The following WDFY3 variants were observed in gnomAD, a reference collection of about 807,000 sequenced individuals.
The protein encoded by WDFY3 is WD repeat and FYVE domain containing 3.
A neutral mutation model predicts 409.6 loss-of-function variants in WDFY3; 66 were observed. The observed-to-expected ratio is 0.16, with a 90% confidence interval of 0.13 to 0.20. The LOEUF is 0.20. Among genes scored for constraint, WDFY3 ranks in the 10% least tolerant of loss-of-function variants. The pLI is 1.00. For missense variants in WDFY3, 3,031 were observed against 4,298.1 expected (o/e 0.71, Z 8.24); for synonymous variants, 1,521 against 1,537.1 (o/e 0.99, Z 0.25).
chr4:84,936,524 T>TA (rs1355406325), intron 1 of WDFY3, among the ~76,000 whole-genome samples: 2 of 151,838 alleles, frequency 1.3e-5, no homozygotes, highest in Admixed American at 6.6e-5. Flanking sequence ...CTGTCTCTTT[T>TA]AAAAAAAATT....
intron 10 of WDFY3, among the ~76,000 whole-genome samples, chr4:84,824,833 C>A (rs1754617116): frequency 6.6e-6 from 1 of 152,046 alleles, no homozygotes. Flanking sequence ...ATGATCCTTG[C>A]AATAATGCTA....
rs774863056 is a variant in WDFY3, at chr4:84,751,488, A to G, written c.5968T>C (p.Leu1990=). ...ATGCGTTTCTTTTTCTTTACCTCCA[A>G]CAAAAGATCAATTAGTGGAGTTTGC... The part of the protein sequence containing the change: ...SKQTPLIDLL[L]EASPERSTRT... The change falls in exon 36 of 68, where the codon TTG becomes CTG. Residue 1990 remains leucine, a synonymous_variant. Coordinates refer to ENST00000295888, the MANE Select transcript of WDFY3 (RefSeq NM_014991.6). 7 of 1,613,980 alleles carry G rather than the reference A, an allele frequency of 4.3e-6. No homozygotes were observed. Among genetic ancestry groups the G allele is most frequent in the Non-Finnish European group, 5.9e-6 (7 of 1,179,926 alleles).
intron 2 of WDFY3, among the ~76,000 whole-genome samples, chr4:84,913,754 CA>C (rs879931090): frequency 3.4e-3 from 446 of 130,356 alleles, no homozygotes; most frequent in Non-Finnish European, 3.3e-3. Context: ...AGAAATAAAG[CA>C]AAAAAAAAAA....
At chr4:84,766,411 T>C in intron 30 of WDFY3, 39 bp from the exon 31 acceptor site, 1 of 1,536,026 alleles carries the variant, frequency 6.5e-7, no homozygotes, top group Non-Finnish European at 8.7e-7. Context: ...CCCTAGTAGA[T>C]AAGCTAAAAG....
intron 13 of WDFY3, among the ~76,000 whole-genome samples, chr4:84,811,721 A>AT (rs140627504): frequency 1.4e-3 from 212 of 151,632 alleles, no homozygotes; most frequent in Non-Finnish European, 2.4e-3. Flanking sequence ...TGAAAAAGTC[A>AT]TTTTTTTTTA....
intron 27 of WDFY3, among the ~76,000 whole-genome samples, chr4:84,777,409 G>A (rs1304434072): frequency 6.6e-6 from 1 of 151,774 alleles, no homozygotes; most frequent in African/African-American, 2.4e-5. Context: ...GAAAATAATA[G>A]AAAAAAATAG....
At chr4:84,809,702 T>TAAAAA in intron 14 of WDFY3, 185 bp downstream of exon 14, 1 of 410,256 alleles carries the variant, frequency 2.4e-6, no homozygotes, top group Non-Finnish European at 4.1e-6. Flanking sequence ...GCTTCCATGC[T>TAAAAA]AAAAAAAAAA....
intron 1 of WDFY3, among the ~76,000 whole-genome samples, chr4:84,953,868 T>C (rs894975266): frequency 6.6e-6 from 1 of 152,146 alleles, no homozygotes; most frequent in Non-Finnish European, 1.5e-5. Flanking sequence ...CCCCCTGATA[T>C]GCAGATCAAA....
Position 84,831,580 on chromosome 4 carries a change from A to G in WDFY3, c.602T>C (p.Val201Ala), listed in dbSNP as rs1755741265. The G allele has an allele frequency of 6.2e-7, 1 of 1,613,006 alleles. No homozygotes were observed. ...VQILVKLCSF[V>A]SPAEELAQKD... ...CTGAGCCAGCTCCTCCGCAGGGGAAACAAAACTGCACAGTTTCACTAAGAT... is the reference window on the plus strand; with the variant it reads ...CTGAGCCAGCTCCTCCGCAGGGGAAGCAAAACTGCACAGTTTCACTAAGAT... Residue 201 changes from valine to alanine, a missense_variant, in exon 8 of 68, where the codon GTT becomes GCT. By Grantham distance (64) the Val-to-Ala change is moderately conservative (BLOSUM62 0). Coordinates refer to ENST00000295888, the MANE Select transcript of WDFY3 (RefSeq NM_014991.6).
intron 35 of WDFY3, 52 bp from the exon 36 acceptor site, chr4:84,751,768 T>TTACTTCTGTGTTTCCTAAAAA (rs1378724184): frequency 1.3e-6 from 2 of 1,588,822 alleles, no homozygotes; most frequent in Non-Finnish European, 1.7e-6. Context: ...TCTGACATTT[T>TTACTTCTGTGTTTCCTAAAAA]TACTTCTGTG....
chr4:84,901,644 A>T (rs1323176979), intron 2 of WDFY3, among the ~76,000 whole-genome samples: 1 of 152,214 alleles, frequency 6.6e-6, no homozygotes, highest in Non-Finnish European at 1.5e-5. Flanking sequence ...GGAGGGGACA[A>T]TATTTAAATC....
intron 55 of WDFY3, 99 bp from the exon 56 acceptor site, chr4:84,702,605 C>G: frequency 9.4e-7 from 1 of 1,066,212 alleles, no homozygotes; most frequent in Admixed American, 3.6e-5. Context: ...TAGTTGGTGA[C>G]ATTTCAATTT....
At chr4:84,778,750 TACACACACAA>T (rs988434490) in intron 26 of WDFY3, 95 bp from the exon 27 acceptor site, 17 of 1,239,780 alleles carry the variant, frequency 1.4e-5, no homozygotes, top group East Asian at 7.5e-5. Context: ...AACACACACA[TACACACACAA>T]ACACACACAT....
intron 7 of WDFY3, among the ~76,000 whole-genome samples, chr4:84,833,507 T>C (rs552321395): frequency 2.6e-5 from 4 of 151,958 alleles, no homozygotes; most frequent in Admixed American, 2.0e-4. Flanking sequence ...TAAAACTCCA[T>C]CTCTACAAAA....
intron 43 of WDFY3, 52 bp downstream of exon 43, chr4:84,734,991 T>C: frequency 2.0e-6 from 3 of 1,492,500 alleles, no homozygotes; most frequent in Non-Finnish European, 2.8e-6. Flanking sequence ...ACAGAGACCT[T>C]TCACATACAA....
chr4:84,824,500 A>AC (rs1457382491), intron 10 of WDFY3, among the ~76,000 whole-genome samples: 2 of 152,178 alleles, frequency 1.3e-5, no homozygotes, highest in East Asian at 3.9e-4. Context: ...GAATCCAGAT[A>AC]CAAAAAAAAC....
At chr4:84,707,646 A>G (rs1732190063) in intron 53 of WDFY3, among the ~76,000 whole-genome samples, 1 of 152,226 alleles carries the variant, frequency 6.6e-6, no homozygotes, top group Non-Finnish European at 1.5e-5. Flanking sequence ...CCCTTCTCAG[A>G]AAACCACATT....
intron 3 of WDFY3, among the ~76,000 whole-genome samples, chr4:84,889,497 TA>T (rs934707360): frequency 3.7e-4 from 56 of 152,164 alleles, no homozygotes; most frequent in African/African-American, 9.6e-4. Flanking sequence ...AATATGTGAT[TA>T]AAAAAAATTC....
rs536845608 is a variant in WDFY3, at chr4:84,774,499, T to C, written c.4754+321A>G. 3.9e-5 allele frequency among the ~76,000 whole-genome samples: 6 copies of C among 152,344 alleles called. No homozygotes were observed. In the South Asian group the frequency reaches 6.2e-4, roughly 16 times the overall value. ...TGCTTGTGCACATACATTTAAAAATTAGCAGGGCTTGGGAAATAGGATTGG... is the reference window on the plus strand; with the variant it reads ...TGCTTGTGCACATACATTTAAAAATCAGCAGGGCTTGGGAAATAGGATTGG... On this transcript the variant is annotated intron_variant, in intron 29 of 67. Coordinates refer to ENST00000295888, the MANE Select transcript of WDFY3 (RefSeq NM_014991.6).
Sources: gnomAD v4.1 joint callset for allele counts (sites outside exome capture counted in the v4.1 genomes callset) on GRCh38, gnomAD v4.1.1 for gene constraint, MANE v1.5 for transcripts, NCBI Gene and HGNC (gene_info 2026-07-23, HGNC 2026-07-21) for gene names.